The following DOCK5 variants were observed in gnomAD, a reference collection of about 807,000 sequenced individuals.
DOCK5 encodes dedicator of cytokinesis 5.
A neutral mutation model predicts 251.8 loss-of-function variants in DOCK5; 142 were observed. The observed-to-expected ratio is 0.56, with a 90% confidence interval of 0.49 to 0.65. The LOEUF (loss-of-function observed/expected upper bound fraction) is 0.65, where lower values mean the gene tolerates loss of function less well. Ranked by LOEUF, DOCK5 falls within the 30% of genes least tolerant of loss-of-function variation. DOCK5 has a pLI of 0.00. For synonymous variants in DOCK5, 842 were observed against 835.5 expected (o/e 1.01, Z -0.13); for missense variants, 2,111 against 2,312.3 (o/e 0.91, Z 1.79).
intron 1 of DOCK5, among the ~76,000 whole-genome samples, chr8:25,233,515 G>A (rs1420754702): frequency 3.3e-5 from 5 of 152,088 alleles, no homozygotes; most frequent in Non-Finnish European, 5.9e-5. Flanking sequence ...ACCAATAGTT[G>A]CTCGTTGTTT....
intron 40 of DOCK5, among the ~76,000 whole-genome samples, chr8:25,387,905 A>T (rs1801191963): frequency 6.6e-6 from 1 of 152,058 alleles, no homozygotes; most frequent in African/African-American, 2.4e-5. Flanking sequence ...TTCCTTTTAC[A>T]GTTATCGTCT....
chr8:25,413,899 A>G lies in DOCK5; in HGVS notation c.*2601A>G, dbSNP rs1208981062. ...GAGTCACATTTGACAGAATTCATAA[A>G]TAATGTGTCCTGAAGTCAGAGGATG... is the stretch of plus-strand genomic sequence containing the variant. On this transcript the variant is annotated 3_prime_UTR_variant, in exon 52 of 52. Transcript: ENST00000276440. 6.6e-6 allele frequency: 1 copy of G among 152,196 alleles called. No individual in the cohort carries two copies. The highest frequency in any genetic ancestry group is 2.4e-5 in the African/African-American group (1 of 41,432). 9.4% of individuals were successfully genotyped at this position (152,196 alleles called of 1,614,324 possible).
At chr8:25,324,069 C>T in intron 17 of DOCK5, 118 bp downstream of exon 17, 1 of 1,169,716 alleles carries the variant, frequency 8.5e-7, no homozygotes, top group Non-Finnish European at 1.2e-6. Context: ...TGTACTTGCC[C>T]ATTAACATCT....
At chr8:25,228,934 CAAAA>C (rs941388125) in intron 1 of DOCK5, among the ~76,000 whole-genome samples, 4 of 151,320 alleles carry the variant, frequency 2.6e-5, no homozygotes, top group African/African-American at 9.7e-5. Flanking sequence ...ATCTTTTAAA[CAAAA>C]AAAATTTGTG....
chr8:25,285,727 T>C (rs1255476744), intron 5 of DOCK5, among the ~76,000 whole-genome samples: 6 of 152,196 alleles, frequency 3.9e-5, no homozygotes, highest in Non-Finnish European at 5.9e-5. Context: ...ATCTCTGAAG[T>C]ACAATTAAGC....
At chr8:25,290,787 G>A (rs1200343213) in intron 5 of DOCK5, among the ~76,000 whole-genome samples, 1 of 152,174 alleles carries the variant, frequency 6.6e-6, no homozygotes, top group African/African-American at 2.4e-5. Flanking sequence ...AGATGAGCCA[G>A]TGTAACCCAG....
intron 4 of DOCK5, chr8:25,277,554 C>T (rs1306894517): frequency 6.6e-6 from 1 of 152,054 alleles, no homozygotes; most frequent in Non-Finnish European, 1.5e-5. Context: ...GTCAAGATGT[C>T]CTCAAAGCCG....
Position 25,300,630 on chromosome 8 carries a change from G to A in DOCK5, c.819G>A (p.Lys273=), listed in dbSNP as rs1363753247. Residue 273 remains lysine, a synonymous_variant, in exon 9 of 52, where the codon AAG becomes AAA. Transcript: ENST00000276440. ...ACGGGATGCCCAAGGAAATAGAGAAGCTCAATAACCTCCAAGCAGTGTTTA... is the reference window on the plus strand; with the variant it reads ...ACGGGATGCCCAAGGAAATAGAGAAACTCAATAACCTCCAAGCAGTGTTTA... The part of the protein sequence containing the change: ...GSNGMPKEIE[K]LNNLQAVFTD... 1 of 1,613,210 alleles carries A rather than the reference G, an allele frequency of 6.2e-7. No homozygotes were observed. The highest frequency in any genetic ancestry group is 8.5e-7 in the Non-Finnish European group (1 of 1,179,636).
chr8:25,350,564 T>A (rs1800448582), intron 26 of DOCK5, among the ~76,000 whole-genome samples: 1 of 152,226 alleles, frequency 6.6e-6, no homozygotes, highest in Non-Finnish European at 1.5e-5. Flanking sequence ...TGTATTAGTC[T>A]GCTCAGTCAG....
intron 21 of DOCK5, among the ~76,000 whole-genome samples, chr8:25,335,099 T>C (rs1805770905): frequency 6.6e-6 from 1 of 152,202 alleles, no homozygotes; most frequent in East Asian, 1.9e-4. Context: ...CACCCACCCG[T>C]TGCCTTCCAG....
intron 1 of DOCK5, among the ~76,000 whole-genome samples, chr8:25,199,033 T>C (rs1401242792): frequency 6.6e-6 from 1 of 152,186 alleles, no homozygotes; most frequent in African/African-American, 2.4e-5. Flanking sequence ...GAAGTGACAC[T>C]GTGGGTTGCA....
intron 26 of DOCK5, chr8:25,351,339 T>G (rs1800464338): frequency 6.0e-6 from 1 of 167,718 alleles, no homozygotes; most frequent in African/African-American, 2.4e-5. Context: ...ATTACAGGCG[T>G]GAGCCACCGC....
intron 1 of DOCK5, among the ~76,000 whole-genome samples, chr8:25,202,047 C>T (rs929586892): frequency 2.0e-5 from 3 of 152,204 alleles, no homozygotes; most frequent in African/African-American, 7.2e-5. Context: ...GACAGAGTCT[C>T]GCTCTGTCAC....
chr8:25,387,732 C>T lies in DOCK5; in HGVS notation c.4132-1359C>T, dbSNP rs189660616. On this transcript the variant is annotated intron_variant, in intron 40 of 51. Transcript: ENST00000276440. The stretch of plus-strand genomic sequence containing the variant: ...TCTTCTCCCAGAATTCTGTGCTTTC[C>T]GCCCCTGGGCCTGACTCTTTCCACA... Among the ~76,000 whole-genome samples the T allele has an allele frequency of 6.6e-5, 10 of 152,306 alleles. No homozygotes were observed. In the East Asian group the frequency reaches 7.7e-4, roughly 12 times the overall value.
intron 5 of DOCK5, 132 bp downstream of exon 5, chr8:25,278,797 C>T: frequency 5.0e-6 from 4 of 804,140 alleles, no homozygotes; most frequent in Admixed American, 2.3e-5. Flanking sequence ...CACACAAAGG[C>T]TGATAAGCAG....
At chr8:25,372,419 T>G in intron 34 of DOCK5, 140 bp from the exon 35 acceptor site, 3 of 767,874 alleles carry the variant, frequency 3.9e-6, no homozygotes, top group Non-Finnish European at 5.8e-6. Context: ...GGCTTAACTG[T>G]GTCACTTAAT....
chr8:25,312,049 T>C (rs1805111129), intron 13 of DOCK5, among the ~76,000 whole-genome samples: 1 of 152,210 alleles, frequency 6.6e-6, no homozygotes, highest in South Asian at 2.1e-4. Flanking sequence ...TAAATGAGTA[T>C]TTGTGGAAGG....
At chr8:25,380,049 A>G (rs1801037718) in intron 38 of DOCK5, among the ~76,000 whole-genome samples, 2 of 152,138 alleles carry the variant, frequency 1.3e-5, no homozygotes, top group Non-Finnish European at 2.9e-5. Context: ...TGGGCGACAC[A>G]TGGTACTTAT....
intron 6 of DOCK5, 77 bp from the exon 7 acceptor site, chr8:25,296,436 G>T: frequency 6.5e-7 from 1 of 1,530,252 alleles, no homozygotes; most frequent in East Asian, 2.4e-5. Flanking sequence ...GGATCCTCTG[G>T]GCTCCTTGAC....
Sources: gnomAD v4.1 joint callset for allele counts (sites outside exome capture counted in the v4.1 genomes callset) on GRCh38, gnomAD v4.1.1 for gene constraint, MANE v1.5 for transcripts, NCBI Gene and HGNC (gene_info 2026-07-23, HGNC 2026-07-21) for gene names.